The following PTPRS variants were observed in gnomAD, a reference collection of about 807,000 sequenced individuals.
PTPRS encodes the protein receptor-type tyrosine-protein phosphatase S.
In PTPRS, 63 loss-of-function variants were observed where a neutral mutation model predicts 215.3. The ratio of observed to expected loss-of-function variants is 0.29; its 90% confidence interval spans 0.24 to 0.36. The LOEUF (loss-of-function observed/expected upper bound fraction) is 0.36. Ranked by LOEUF, PTPRS falls within the 10% of genes least tolerant of loss-of-function variation. PTPRS has a pLI of 1.00. For missense variants in PTPRS, 2,258 were observed against 2,825.8 expected (o/e 0.80, Z 4.56); for synonymous variants, 1,404 against 1,191.4 (o/e 1.18, Z -3.68).
rs2050631146 is a variant in PTPRS, at chr19:5,339,855, C to G, written c.-95+809G>C. 6.6e-6 allele frequency among the ~76,000 whole-genome samples: 1 copy of G among 151,812 alleles called. No homozygotes were observed. The highest frequency in any genetic ancestry group is 1.5e-5 in the Non-Finnish European group (1 of 67,858). On this transcript the variant is annotated intron_variant, in intron 1 of 37. Transcript: ENST00000262963. This position sits in a 1 kb window ranked among gnomAD's most constrained non-coding sequence, Gnocchi z 4.2. ...CCCACTCTCGGGATCCCCACGGGGC[C>G]CCCAGCGCGGAGGGGAGACTGGGGT...
At chr19:5,222,377 G>GCCCTGCCCTGTCCTGT (rs1568402353) in intron 18 of PTPRS, among the ~76,000 whole-genome samples, 157 bp from the exon 19 acceptor site, 1 of 151,340 alleles carries the variant, frequency 6.6e-6, no homozygotes, top group Non-Finnish European at 1.5e-5. Flanking sequence ...CCCTGGCCCG[G>GCCCTGCCCTGTCCTGT]CCCTGCCCTG....
At chr19:5,275,073 CTT>C (rs5826878) in intron 2 of PTPRS, among the ~76,000 whole-genome samples, 68 of 144,578 alleles carry the variant, frequency 4.7e-4, no homozygotes, top group Admixed American at 8.2e-4. Flanking sequence ...ATTTTCTTTT[CTT>C]TTTTTTTTTT....
At chr19:5,265,488 T>C (rs1173141794) in intron 4 of PTPRS, among the ~76,000 whole-genome samples, 2 of 152,112 alleles carry the variant, frequency 1.3e-5, no homozygotes, top group Non-Finnish European at 2.9e-5. Context: ...ACTACAAGCA[T>C]GCGCCACCAC....
At position 5,208,374 on chromosome 19, in the gene PTPRS, A is replaced by G; in HGVS notation, c.5505T>C (p.Thr1835=). ...AGTCTGTGAACTGGAACTGCCGGAC[A>G]GTCCGGGACTGGCCATCCTAGAGTG... ...VTDARDGQSR[T]VRQFQFTDWP... The change falls in exon 36 of 38, where the codon ACT becomes ACC. Residue 1835 remains threonine (T), a synonymous_variant. Coordinates refer to ENST00000262963, the MANE Select transcript of PTPRS (RefSeq NM_002850.4). 2.5e-6 allele frequency: 4 copies of G among 1,603,366 alleles called. No homozygotes were observed. Among genetic ancestry groups the G allele is most frequent in the Non-Finnish European group, 3.4e-6 (4 of 1,174,322 alleles).
chr19:5,274,100 C>T (rs1599863771), intron 3 of PTPRS, 99 bp downstream of exon 3: 2 of 1,485,540 alleles, frequency 1.3e-6, no homozygotes, highest in South Asian at 2.6e-5. Context: ...TGATGCTCCA[C>T]CTGGGGAACG....
rs544071709 is a variant in PTPRS, at chr19:5,243,821, C to T, written c.1570+80G>A. Reference sequence around the variant, plus strand: ...AAAGCACCGTGCATAACCCACAAACCGCTCTGCGGCTTCCAGGGAGCATGC... The same window carrying T: ...AAAGCACCGTGCATAACCCACAAACTGCTCTGCGGCTTCCAGGGAGCATGC... On this transcript the variant is annotated intron_variant, in intron 11 of 37. Transcript: ENST00000262963. 8.5e-3 allele frequency: 10,736 copies of T among 1,260,804 alleles called. 63 individuals are homozygous for T. Among genetic ancestry groups the T allele is most frequent in the Non-Finnish European group, 0.01 (9,463 of 943,060 alleles). The allele number at this position is 1,260,804 out of a possible 1,614,324, so 78.1% of individuals were successfully genotyped here.
intron 1 of PTPRS, among the ~76,000 whole-genome samples, chr19:5,308,927 A>G (rs2049594504): frequency 6.6e-6 from 1 of 152,056 alleles, no homozygotes; most frequent in Non-Finnish European, 1.5e-5. Flanking sequence ...CTCTCCCTTC[A>G]TTACCAGGAG....
At chr19:5,291,852 C>T (rs1475522844) in intron 1 of PTPRS, among the ~76,000 whole-genome samples, 1 of 152,038 alleles carries the variant, frequency 6.6e-6, no homozygotes, top group South Asian at 2.1e-4. Flanking sequence ...CCAGCCCGGC[C>T]TCTGCTGACC....
intron 11 of PTPRS, 41 bp downstream of exon 11, chr19:5,243,860 G>T: frequency 1.4e-6 from 2 of 1,425,246 alleles, no homozygotes; most frequent in Non-Finnish European, 1.8e-6. Context: ...GAACCAAGCC[G>T]CACGGCCGGG....
chr19:5,300,836 C>T (rs964842637), intron 1 of PTPRS, among the ~76,000 whole-genome samples: 1 of 150,504 alleles, frequency 6.6e-6, no homozygotes, highest in African/African-American at 2.4e-5. Flanking sequence ...AAAAAATTTC[C>T]ATAAAAAATA....
intron 1 of PTPRS, among the ~76,000 whole-genome samples, chr19:5,318,154 G>C (rs1244287470): frequency 2.0e-5 from 3 of 150,682 alleles, no homozygotes; most frequent in Non-Finnish European, 4.4e-5. Flanking sequence ...CTAGGCAACA[G>C]AGCGAGACTC....
intron 4 of PTPRS, among the ~76,000 whole-genome samples, chr19:5,267,871 A>G (rs2046553545): frequency 6.6e-6 from 1 of 152,066 alleles, no homozygotes; most frequent in African/African-American, 2.4e-5. Flanking sequence ...AGCTGTATTT[A>G]TTAATAAAGT....
chr19:5,219,169 G>A (rs1323412997), intron 23 of PTPRS, 141 bp downstream of exon 23: 1 of 1,149,230 alleles, frequency 8.7e-7, no homozygotes, highest in Non-Finnish European at 1.2e-6. Flanking sequence ...CCTTGATCAA[G>A]TGGCTTAACC....
intron 4 of PTPRS, among the ~76,000 whole-genome samples, chr19:5,267,318 G>T (rs1034852984): frequency 3.3e-5 from 5 of 152,118 alleles, no homozygotes; most frequent in Non-Finnish European, 2.9e-5. Flanking sequence ...AGGTGATGAG[G>T]TGAGCCAGCT....
In PTPRS at chr19:5,291,260, T is replaced by C. The variant is rs113538130; in HGVS notation, c.-94-5026A>G. Among the ~76,000 whole-genome samples the C allele has an allele frequency of 5.5e-3, 844 of 152,234 alleles. 12 individuals carry two copies. Among genetic ancestry groups the C allele is most frequent in the African/African-American group, 0.019 (798 of 41,548 alleles). On this transcript the variant is annotated intron_variant, in intron 1 of 37. Coordinates refer to ENST00000262963, the MANE Select transcript of PTPRS (RefSeq NM_002850.4). ...AGTCCACTGGGTGCCTCTGGGGTGC[T>C]GAGCCCCATTAAATGTTCTCTGTGT...
chr19:5,248,923 A>C (rs2146057758), intron 9 of PTPRS, among the ~76,000 whole-genome samples: 1 of 152,346 alleles, frequency 6.6e-6, no homozygotes, highest in East Asian at 1.9e-4. Context: ...TGCTAAACTC[A>C]GGCATGGAGC....
intron 1 of PTPRS, among the ~76,000 whole-genome samples, chr19:5,310,308 TTTTTC>T (rs1008404403): frequency 8.0e-5 from 12 of 149,680 alleles, no homozygotes; most frequent in African/African-American, 2.0e-4. Context: ...TCCTCTAGCT[TTTTTC>T]TTTTCTTTTT....
chr19:5,286,226 G>T lies in PTPRS; in HGVS notation c.-86C>A. The T allele has an allele frequency of 6.9e-7, 1 of 1,441,954 alleles. No individual in the cohort carries two copies. The highest frequency in any genetic ancestry group is 9.6e-7 in the Non-Finnish European group (1 of 1,045,398). The allele number at this position is 1,441,954 out of a possible 1,614,324, so 89.3% of individuals were successfully genotyped here. A position where few individuals can be genotyped will look rare whatever the true frequency, so the allele number is the denominator to read the frequency against. On this transcript the variant is annotated 5_prime_UTR_variant, in exon 2 of 38. Coordinates refer to ENST00000262963, the MANE Select transcript of PTPRS (RefSeq NM_002850.4). Reference sequence around the variant, plus strand: ...GAGGCCTCGAGCCGAGCGTCAGATGGGGCAACGTCTGCAGAGACAATGGAG... The same window carrying T: ...GAGGCCTCGAGCCGAGCGTCAGATGTGGCAACGTCTGCAGAGACAATGGAG...
At chr19:5,301,260 C>A (rs941895092) in intron 1 of PTPRS, among the ~76,000 whole-genome samples, 2 of 103,308 alleles carry the variant, frequency 1.9e-5, no homozygotes, top group Non-Finnish European at 3.6e-5. Flanking sequence ...CCAGCCTGGG[C>A]CCCTGCCAGG....
Sources: gnomAD v4.1 joint callset for allele counts (sites outside exome capture counted in the v4.1 genomes callset) on GRCh38, gnomAD v4.1.1 for gene constraint, Gnocchi (gnomAD v3.1) non-coding constraint, MANE v1.5 for transcripts, NCBI Gene and HGNC (gene_info 2026-07-23, HGNC 2026-07-21) for gene names.